PRSS23: variants seen among roughly 807,000 people sequenced by gnomAD.
PRSS23 encodes protease, serine 23.
In PRSS23, 25 loss-of-function variants were observed where a neutral mutation model predicts 34.7. The observed-to-expected ratio is 0.72, with a 90% CI of 0.53 to 1.01. The LOEUF is 1.01. PRSS23 is among the 50% of genes least tolerant of loss of function. PRSS23 has a pLI of 0.00. For synonymous variants in PRSS23, 176 were observed against 186.6 expected (o/e 0.94, Z 0.46); for missense variants, 445 against 475.6 (o/e 0.94, Z 0.60).
At chr11:86,881,748 T>C (rs1198632247) in intron 2 of PRSS23, among the ~76,000 whole-genome samples, 2 of 152,218 alleles carry the variant, frequency 1.3e-5, no homozygotes, top group Non-Finnish European at 1.5e-5. Context: ...TGGGAAGTTT[T>C]CTCATTAGTA....
intron 2 of PRSS23, among the ~76,000 whole-genome samples, chr11:86,893,627 A>C (rs1490226612): frequency 6.6e-6 from 1 of 152,246 alleles, no homozygotes; most frequent in Non-Finnish European, 1.5e-5. Context: ...TGATCATTAT[A>C]GATAGGTAGA....
At chr11:86,855,086 A>C (rs1383619598) in intron 2 of PRSS23, among the ~76,000 whole-genome samples, 6 of 152,004 alleles carry the variant, frequency 3.9e-5, no homozygotes, top group Admixed American at 3.9e-4. Flanking sequence ...AATCACTTGA[A>C]ACCCAGGAGG....
chr11:86,891,037 T>C (rs943828793), intron 2 of PRSS23, among the ~76,000 whole-genome samples: 1 of 152,198 alleles, frequency 6.6e-6, no homozygotes. Context: ...GCAGGTGGTA[T>C]GTGCCAGGGC....
intron 2 of PRSS23, among the ~76,000 whole-genome samples, chr11:86,924,089 A>G (rs1275156917): frequency 6.6e-6 from 1 of 152,202 alleles, no homozygotes; most frequent in East Asian, 1.9e-4. Context: ...TAAGGAGGTA[A>G]GATCGAGAGC....
At chr11:86,952,571 G>A in exon 3 of PRSS23, 2 of 1,341,562 alleles carry the variant, frequency 1.5e-6, no homozygotes, top group Non-Finnish European at 2.1e-6. Flanking sequence ...AGGCAATCTA[G>A]GTATCTACTT....
chr11:86,884,330 C>T (rs1423066338), intron 2 of PRSS23, among the ~76,000 whole-genome samples: 1 of 152,206 alleles, frequency 6.6e-6, no homozygotes, highest in East Asian at 1.9e-4. Flanking sequence ...GACAGAGTCT[C>T]ACTCTGTCAC....
intron 2 of PRSS23, chr11:86,949,553 A>G (rs932874913): frequency 6.6e-6 from 1 of 152,552 alleles, no homozygotes; most frequent in African/African-American, 2.4e-5. Context: ...TTTGTCCCCA[A>G]GATCTCATGA....
intron 2 of PRSS23, among the ~76,000 whole-genome samples, chr11:86,880,266 T>G (rs1402604712): frequency 6.7e-6 from 1 of 150,036 alleles, no homozygotes; most frequent in East Asian, 2.0e-4. Context: ...TTAAGAGTCA[T>G]CACCACTCCC....
intron 2 of PRSS23, among the ~76,000 whole-genome samples, chr11:86,923,693 T>C (rs1017128802): frequency 3.3e-5 from 5 of 152,188 alleles, no homozygotes; most frequent in Non-Finnish European, 5.9e-5. Context: ...CCAAACACTT[T>C]TGTACACACT....
chr11:86,797,949 G>A (rs1947992060), upstream of PRSS23, among the ~76,000 whole-genome samples: 1 of 152,150 alleles, frequency 6.6e-6, no homozygotes. Flanking sequence ...AGATGCCACA[G>A]GCCACTCTTA....
intron 2 of PRSS23, among the ~76,000 whole-genome samples, chr11:86,858,539 G>A (rs896435764): frequency 5.3e-5 from 8 of 151,760 alleles, no homozygotes; most frequent in African/African-American, 1.9e-4. Context: ...GGGAAGAGAG[G>A]AAGATGTTAA....
intron 2 of PRSS23, among the ~76,000 whole-genome samples, chr11:86,859,080 G>T (rs1024699265): frequency 1.3e-5 from 2 of 151,890 alleles, no homozygotes; most frequent in Non-Finnish European, 2.9e-5. Flanking sequence ...AAATGTCACA[G>T]GGACTGTACA....
chr11:86,813,218 C>G (rs1170974457), downstream of PRSS23, among the ~76,000 whole-genome samples: 7 of 152,178 alleles, frequency 4.6e-5, no homozygotes, highest in African/African-American at 1.4e-4. Context: ...ACACAGCCAG[C>G]AAGATGCTTC....
intron 1 of PRSS23, chr11:86,821,630 C>G (rs1948252677): frequency 1.3e-6 from 2 of 1,595,330 alleles, no homozygotes; most frequent in African/African-American, 2.7e-5. Context: ...CCATAACTTT[C>G]ATCTTGGCCT....
chr11:86,906,149 C>T (rs1352565341), intron 2 of PRSS23, among the ~76,000 whole-genome samples: 3 of 151,552 alleles, frequency 2.0e-5, no homozygotes, highest in South Asian at 2.1e-4. Context: ...CAGGGCCTGG[C>T]GGGGCCGGGG....
At chr11:86,860,595 C>T (rs894429929) in intron 2 of PRSS23, among the ~76,000 whole-genome samples, 2 of 151,736 alleles carry the variant, frequency 1.3e-5, no homozygotes, top group East Asian at 1.9e-4. Context: ...TGTACATCCC[C>T]ACTGTGATAT....
At chr11:86,926,611 C>T (rs1949083395) in intron 2 of PRSS23, among the ~76,000 whole-genome samples, 1 of 152,138 alleles carries the variant, frequency 6.6e-6, no homozygotes, top group African/African-American at 2.4e-5. Flanking sequence ...ACCTACTTCT[C>T]CAGGGGGTAT....
At chr11:86,869,562 G>T (rs1247593759) in intron 2 of PRSS23, among the ~76,000 whole-genome samples, 1 of 152,158 alleles carries the variant, frequency 6.6e-6, no homozygotes, top group Non-Finnish European at 1.5e-5. Flanking sequence ...CAACGAGAAA[G>T]GGCTTGACTG....
Position 86,936,196 on chromosome 11 carries a change from T to C in PRSS23, c.207-15020T>C, listed in dbSNP as rs542199108. ...ACCACCTGGCAGGACTTGGGGGCTC[T>C]GTGTGGTGGCTTTTTCAGAGTAGCC... is the stretch of plus-strand genomic sequence containing the variant. On this transcript the variant is annotated intron_variant, in intron 2 of 2. Transcript: ENST00000533902. 85 of 152,380 alleles carry C rather than the reference T, an allele frequency of 5.6e-4. 1 individual carries two copies. Among genetic ancestry groups the C allele is most frequent in the African/African-American group, 2.0e-3 (85 of 41,592 alleles). The allele number at this position is 152,380 out of a possible 1,614,324, so 9.4% of individuals were successfully genotyped here.
Sources: gnomAD v4.1 joint callset for allele counts (sites outside exome capture counted in the v4.1 genomes callset) on GRCh38, gnomAD v4.1.1 for gene constraint, MANE v1.5 for transcripts, NCBI Gene and HGNC (gene_info 2026-07-23, HGNC 2026-07-21) for gene names.